The following ORC5 variants were observed in gnomAD, a reference collection of about 807,000 sequenced individuals.
ORC5 encodes origin recognition complex subunit 5.
In ORC5, 39 loss-of-function variants were observed where a neutral mutation model predicts 58.8. The observed-to-expected ratio is 0.66, with a 90% CI of 0.51 to 0.87. The LOEUF is 0.87. Ranked by LOEUF, ORC5 falls within the 40% of genes least tolerant of loss-of-function variation. The pLI is 0.00. For synonymous variants in ORC5, 218 were observed against 177.6 expected, an observed-to-expected ratio of 1.23 and a Z score of -1.81; for missense variants, 493 against 506.3, an observed-to-expected ratio of 0.97 and a Z score of 0.25.
chr7:104,140,908 T>A (rs778969454), intron 12 of ORC5, among the ~76,000 whole-genome samples: 15 of 152,248 alleles, frequency 9.9e-5, no homozygotes, highest in Non-Finnish European at 1.8e-4. Flanking sequence ...AAAGGTTTGC[T>A]GACCTCTGCA....
rs193013884 is a variant in ORC5, at chr7:104,178,599, A to T, written c.824+5344T>A. ...ATTTGTCAATTCTGGCTTTTGTTGC[A>T]ATTGCTTTTGGTGTTTTATTCATGA... On this transcript the variant is annotated intron_variant, in intron 8 of 13. Transcript: ENST00000297431. Among the ~76,000 whole-genome samples the T allele has an allele frequency of 3.9e-5, 6 of 151,952 alleles. No individual in the cohort carries two copies. The East Asian group carries it at 1.2e-3, about 29-fold the overall frequency.
chr7:104,146,652 G>A (rs1234539762), intron 12 of ORC5, among the ~76,000 whole-genome samples: 1 of 152,160 alleles, frequency 6.6e-6, no homozygotes, highest in African/African-American at 2.4e-5. Context: ...TTGGGGAAGG[G>A]GAGGAAGAGA....
At chr7:104,165,750 T>A in intron 10 of ORC5, 1 of 159,192 alleles carries the variant, frequency 6.3e-6, no homozygotes, top group East Asian at 1.9e-4. Flanking sequence ...GGGAAAACAA[T>A]AGATGTGGTC....
At chr7:104,177,255 T>C (rs961542482) in intron 8 of ORC5, among the ~76,000 whole-genome samples, 1 of 152,188 alleles carries the variant, frequency 6.6e-6, no homozygotes. Context: ...AATGTCTGAA[T>C]CACTTCCAAA....
intron 12 of ORC5, among the ~76,000 whole-genome samples, chr7:104,144,521 C>T (rs191650880): frequency 1.3e-5 from 2 of 152,034 alleles, no homozygotes; most frequent in Admixed American, 6.6e-5. Flanking sequence ...ATTGGGAGGC[C>T]GAGGCAGGCA....
rs1005979121 is a variant in ORC5 at position 104,168,688 on chromosome 7, T to A, written c.825-163A>T. On this transcript the variant is annotated intron_variant, in intron 8 of 13. Transcript: ENST00000297431. ...CATGTTTGTACCTGTACAAAATAATTTAATGTATATATTAGAATGTCATAA... is the reference window on the plus strand; with the variant it reads ...CATGTTTGTACCTGTACAAAATAATATAATGTATATATTAGAATGTCATAA... Among the ~76,000 whole-genome samples, 3 of 152,102 alleles carry A rather than the reference T, an allele frequency of 2.0e-5. 1 individual carries two copies. Among genetic ancestry groups the A allele is most frequent in the Non-Finnish European group, 4.4e-5 (3 of 67,998 alleles).
At chr7:104,206,660 G>A (rs1800092693) in intron 1 of ORC5, among the ~76,000 whole-genome samples, 2 of 152,288 alleles carry the variant, frequency 1.3e-5, no homozygotes, top group East Asian at 1.9e-4. Context: ...ATGCTTCACA[G>A]GCCACCTCAA....
chr7:104,207,824 C>G lies in ORC5; in HGVS notation c.72+9G>C. The G allele has an allele frequency of 6.2e-7, 1 of 1,612,736 alleles. No homozygotes were observed. The highest frequency in any genetic ancestry group is 1.1e-5 in the South Asian group (1 of 91,066). ...CTCCAGGATCTGGAAGACAGTTTAA[C>G]TACAATACCTCTCCAAACAAGGACT... On this transcript the variant is annotated intron_variant, in intron 1 of 13. Transcript: ENST00000297431.
intron 1 of ORC5, among the ~76,000 whole-genome samples, chr7:104,206,938 G>T (rs1562833925): frequency 6.6e-6 from 1 of 152,158 alleles, no homozygotes; most frequent in Non-Finnish European, 1.5e-5. Context: ...CACCATCTAG[G>T]TTTGTGTAAA....
chr7:104,189,868 C>T (rs1799634990), intron 5 of ORC5, among the ~76,000 whole-genome samples: 1 of 152,104 alleles, frequency 6.6e-6, no homozygotes, highest in Admixed American at 6.5e-5. Context: ...TGTGAAACCC[C>T]AATTTATAGC....
rs189232481 is a variant in ORC5 at position 104,182,432 on chromosome 7, G to C, written c.824+1511C>G. Among the ~76,000 whole-genome samples the C allele has an allele frequency of 1.3e-4, 20 of 152,014 alleles. 1 individual carries two copies. Among genetic ancestry groups the C allele is most frequent in the Admixed American group, 5.3e-4 (8 of 15,222 alleles). On this transcript the variant is annotated intron_variant, in intron 8 of 13. Coordinates refer to ENST00000297431, the MANE Select transcript of ORC5 (RefSeq NM_002553.4). ...AATTTTACAATTAGCAGCTTCTGCT[G>C]GTAAGTTGACAGAACCTGACCTAAA...
At position 104,133,296 on chromosome 7, in the gene ORC5, G is replaced by A. The variant is rs544841131; in HGVS notation, c.1262+3485C>T. On this transcript the variant is annotated intron_variant, in intron 13 of 13. Transcript: ENST00000297431. The surrounding 1 kb of genome is among the most constrained non-coding windows in gnomAD (Gnocchi z 4.7). Reference sequence around the variant, plus strand: ...GATGATGGTGGCTTGATCTAGAGTGGTAAAAGTATCATGATAACAAGTGAA... The same window carrying A: ...GATGATGGTGGCTTGATCTAGAGTGATAAAAGTATCATGATAACAAGTGAA... Among the ~76,000 whole-genome samples, 1 of 152,206 alleles carries A rather than the reference G, an allele frequency of 6.6e-6. No individual in the cohort carries two copies. The highest frequency in any genetic ancestry group is 1.9e-4 in the East Asian group (1 of 5,182).
At chr7:104,185,546 A>T (rs1799526581) in intron 6 of ORC5, among the ~76,000 whole-genome samples, 1 of 152,176 alleles carries the variant, frequency 6.6e-6, no homozygotes, top group Non-Finnish European at 1.5e-5. Context: ...GATTGGCAGC[A>T]CTACCTGCGA....
Position 104,200,817 on chromosome 7 carries a change from C to G in ORC5, c.307G>C (p.Val103Leu). 6.2e-7 allele frequency: 1 copy of G among 1,612,974 alleles called. No homozygotes were observed. The highest frequency in any genetic ancestry group is 8.5e-7 in the Non-Finnish European group (1 of 1,179,084). Residue 103 changes from valine (V) to leucine (L), a missense_variant, in exon 3 of 14, where the codon GTT (valine) becomes CTT (leucine). Physicochemically the swap from Val to Leu is conservative, Grantham distance 32. This residue lies in a region of ORC5 where 412 missense variants were observed against 403.7 expected (regional missense o/e 1.02). Transcript: ENST00000297431. Reference sequence around the variant, plus strand: ...GTGGTTACTTGTTTAAACAAGCGAACAAAGTCATTAAATGTTTCACAGGTT... The same window carrying G: ...GTGGTTACTTGTTTAAACAAGCGAAGAAAGTCATTAAATGTTTCACAGGTT... ...EITCETFNDFVRLFKQVTTAE... is the reference protein window; with the variant it reads ...EITCETFNDFLRLFKQVTTAE...
At chr7:104,201,265 T>C (rs1178132265) in intron 2 of ORC5, among the ~76,000 whole-genome samples, 1 of 152,156 alleles carries the variant, frequency 6.6e-6, no homozygotes, top group Non-Finnish European at 1.5e-5. Flanking sequence ...TGGATACTCT[T>C]CTACCAAAGA....
rs1798551491 is a variant in ORC5 at position 104,133,985 on chromosome 7, G to A, written c.1262+2796C>T. Among the ~76,000 whole-genome samples the A allele has an allele frequency of 6.6e-6, 1 of 152,078 alleles. No individual in the cohort carries two copies. Among genetic ancestry groups the A allele is most frequent in the South Asian group, 2.1e-4 (1 of 4,830 alleles). The stretch of plus-strand genomic sequence containing the variant: ...TTAGGAAGAGGAACCCCATCCTGCT[G>A]AAAAAGGAAAGAAAGAGAAGATGGA... On this transcript the variant is annotated intron_variant, in intron 13 of 13. Transcript: ENST00000297431. The surrounding 1 kb of genome is among the most constrained non-coding windows in gnomAD (Gnocchi z 4.7).
chr7:104,202,486 G>A (rs192015770), intron 2 of ORC5: 61 of 455,034 alleles, frequency 1.3e-4, no homozygotes, highest in Non-Finnish European at 2.2e-4. Flanking sequence ...TCTTGCTTAC[G>A]GCATTTGTAC....
intron 12 of ORC5, among the ~76,000 whole-genome samples, chr7:104,148,098 C>T (rs898790572): frequency 1.3e-5 from 2 of 152,078 alleles, no homozygotes; most frequent in Non-Finnish European, 2.9e-5. Flanking sequence ...TTACTGTGTC[C>T]AGGCTCTGTG....
In ORC5 at chr7:104,136,070, C is replaced by G. The variant is rs574133379; in HGVS notation, c.1262+711G>C. On this transcript the variant is annotated intron_variant, in intron 13 of 13. Transcript: ENST00000297431. The surrounding 1 kb of genome is among the most constrained non-coding windows in gnomAD (Gnocchi z 4.2). The stretch of plus-strand genomic sequence containing the variant: ...GAAACTTGTATTTTTAGACAGCTTT[C>G]ATTTTGACAAATGTACTTTCTTCCC... Among the ~76,000 whole-genome samples, 1 of 152,296 alleles carries G rather than the reference C, an allele frequency of 6.6e-6. No homozygotes were observed. Among genetic ancestry groups the G allele is most frequent in the African/African-American group, 2.4e-5 (1 of 41,574 alleles).
Sources: gnomAD v4.1 joint callset for allele counts (sites outside exome capture counted in the v4.1 genomes callset) on GRCh38, gnomAD v4.1.1 for gene constraint, gnomAD v4.1.1 regional missense constraint, Gnocchi (gnomAD v3.1) non-coding constraint, MANE v1.5 for transcripts, NCBI Gene and HGNC (gene_info 2026-07-23, HGNC 2026-07-21) for gene names.